The following WDR33 variants were observed in gnomAD, a reference collection of about 807,000 sequenced individuals.
WDR33 encodes the protein pre-mRNA 3' end processing protein WDR33.
A neutral mutation model predicts 164.9 loss-of-function variants in WDR33; 47 were observed. The ratio of observed to expected loss-of-function variants is 0.29; its 90% CI spans 0.23 to 0.36. The LOEUF is 0.36. Among genes scored for constraint, WDR33 ranks in the 10% least tolerant of loss-of-function variants. The pLI is 1.00. For missense variants in WDR33, 1,137 were observed against 1,754.1 expected (o/e 0.65, Z 6.28); for synonymous variants, 505 against 589.0 (o/e 0.86, Z 2.06).
rs1488883050 is a variant in WDR33, at chr2:127,720,572, G to C, written c.1672-219C>G. On this transcript the variant is annotated intron_variant, in intron 15 of 21. Transcript: ENST00000322313. This position sits in a 1 kb window ranked among gnomAD's most constrained non-coding sequence, Gnocchi z 5.9. ...TTTAAGTCCTGGGACACAGTAGTAA[G>C]GATTTTTTTTTCCTTATTTTTTTTT... is the stretch of plus-strand genomic sequence containing the variant. 6.6e-6 allele frequency among the ~76,000 whole-genome samples: 1 copy of C among 151,946 alleles called. No individual in the cohort carries two copies. The highest frequency in any genetic ancestry group is 1.5e-5 in the Non-Finnish European group (1 of 67,992).
intron 7 of WDR33, among the ~76,000 whole-genome samples, chr2:127,733,069 C>T (rs2105393352): frequency 6.6e-6 from 1 of 152,082 alleles, no homozygotes; most frequent in East Asian, 1.9e-4. Flanking sequence ...GTTTTTGTAG[C>T]CTGGTGACTA....
In WDR33 at chr2:127,714,754, A is replaced by C. The variant is rs1686258876; in HGVS notation, c.2870-733T>G. Among the ~76,000 whole-genome samples, 1 of 152,258 alleles carries C rather than the reference A, an allele frequency of 6.6e-6. No homozygotes were observed. Among genetic ancestry groups the C allele is most frequent in the Non-Finnish European group, 1.5e-5 (1 of 68,052 alleles). ...TACTGAATAAAAATGGAAAGATGCCAGTTAAATGTGTGATGGTTAACTTAG... is the reference window on the plus strand; with the variant it reads ...TACTGAATAAAAATGGAAAGATGCCCGTTAAATGTGTGATGGTTAACTTAG... On this transcript the variant is annotated intron_variant, in intron 17 of 21. Coordinates refer to ENST00000322313, the MANE Select transcript of WDR33 (RefSeq NM_018383.5). This position sits in a 1 kb window ranked among gnomAD's most constrained non-coding sequence, Gnocchi z 4.3.
chr2:127,740,649 G>A (rs562922623), intron 7 of WDR33, among the ~76,000 whole-genome samples: 70 of 152,248 alleles, frequency 4.6e-4, no homozygotes, highest in African/African-American at 1.5e-3. Flanking sequence ...TCAAGTATAC[G>A]ATTAAAATTT....
chr2:127,783,212 T>C (rs1688434831), intron 1 of WDR33, among the ~76,000 whole-genome samples: 1 of 152,210 alleles, frequency 6.6e-6, no homozygotes, highest in South Asian at 2.1e-4. Flanking sequence ...TTTAGACATG[T>C]TTAATCCATG....
rs1355011363 is a variant in WDR33 at position 127,702,094 on chromosome 2, CCTGGGGCGGCGGCACCGCGCTGCG to C, written c.*4205_*4228del. ...CTGGCCGCGCTGGTTGGGCTGCTGC[CCTGGGGCGGCGGCACCGCGCTGCG>C]CCTCGCACTGGGTCGCCTGGGCCGC... On this transcript the variant is annotated 3_prime_UTR_variant, in exon 22 of 22. Coordinates refer to ENST00000322313, the MANE Select transcript of WDR33 (RefSeq NM_018383.5). 3.3e-6 allele frequency: 4 copies of C among 1,216,710 alleles called. No individual in the cohort carries two copies. The East Asian group carries it at 1.0e-4, about 31-fold the overall frequency. The allele number at this position is 1,216,710 out of a possible 1,614,324, so 75.4% of individuals were successfully genotyped here.
At chr2:127,791,027 GTC>G (rs981079623) in intron 1 of WDR33, among the ~76,000 whole-genome samples, 9 of 151,930 alleles carry the variant, frequency 5.9e-5, no homozygotes, top group Middle Eastern at 3.4e-3. Context: ...TCTCTCAACA[GTC>G]TGTCATTCTT....
In WDR33 at chr2:127,735,894, C is replaced by T; in HGVS notation, c.725-9117G>A. ...ATTACTATTAGTCATCTTTGTTGTC[C>T]AGTCTAGAAAGTTACATCAGTGAAA... On this transcript the variant is annotated intron_variant, in intron 7 of 21. Transcript: ENST00000322313. This position sits in a 1 kb window ranked among gnomAD's most constrained non-coding sequence, Gnocchi z 4.3. 1.0e-6 allele frequency: 1 copy of T among 985,396 alleles called. No individual in the cohort carries two copies. The highest frequency in any genetic ancestry group is 1.2e-6 in the Non-Finnish European group (1 of 829,922). 61.0% of individuals were successfully genotyped at this position (985,396 alleles called of 1,614,324 possible).
chr2:127,753,192 G>A (rs1226198949), intron 7 of WDR33, among the ~76,000 whole-genome samples: 1 of 152,192 alleles, frequency 6.6e-6, no homozygotes, highest in Non-Finnish European at 1.5e-5. Flanking sequence ...CTCCCAAAGT[G>A]CTGGGATTAC....
Position 127,709,716 on chromosome 2 carries a change from C to A in WDR33, c.3449G>T (p.Gly1150Val), listed in dbSNP as rs1686107849. ...ACCTCGTGGGGTACCCCGACCTCGA[C>A]CTCTGAGATCTCGTCCTCGGGCCGC... ...EEAARGRDLR[G>V]RGRGTPRGGR... Residue 1150 changes from glycine (G) to valine (V), a missense_variant, in exon 19 of 22, where the codon GGT (glycine) becomes GTT (valine). Transcript: ENST00000322313. This position sits in a 1 kb window ranked among gnomAD's most constrained non-coding sequence, Gnocchi z 5.0. 6.2e-7 allele frequency: 1 copy of A among 1,614,264 alleles called. No individual in the cohort carries two copies. The highest frequency in any genetic ancestry group is 1.1e-5 in the South Asian group (1 of 91,090).
chr2:127,764,976 G>A lies in WDR33; in HGVS notation c.478C>T (p.His160Tyr). 1 of 1,613,480 alleles carries A rather than the reference G, an allele frequency of 6.2e-7. No homozygotes were observed. The highest frequency in any genetic ancestry group is 8.5e-7 in the Non-Finnish European group (1 of 1,179,746). ...TFNFETILQA[H>Y]DSPVRAMTWS... ...GTCATGGCCCTCACTGGGCTGTCGTGAGCCTGTGAAAGCAGAAAACATTAA... is the reference window on the plus strand; with the variant it reads ...GTCATGGCCCTCACTGGGCTGTCGTAAGCCTGTGAAAGCAGAAAACATTAA... Residue 160 changes from histidine to tyrosine, a missense_variant, in exon 6 of 22, where the codon CAC becomes TAC. By Grantham distance (83) the His-to-Tyr change is moderately conservative (BLOSUM62 2). Transcript: ENST00000322313. The surrounding 1 kb of genome is among the most constrained non-coding windows in gnomAD (Gnocchi z 6.2).
At position 127,735,955 on chromosome 2, in the gene WDR33, G is replaced by A. The variant is rs1686828191; in HGVS notation, c.725-9178C>T. The A allele has an allele frequency of 1.0e-6, 1 of 985,438 alleles. No homozygotes were observed. Among genetic ancestry groups the A allele is most frequent in the Non-Finnish European group, 1.2e-6 (1 of 829,934 alleles). The allele number at this position is 985,438 out of a possible 1,614,324, so 61.0% of individuals were successfully genotyped here. On this transcript the variant is annotated intron_variant, in intron 7 of 21. Transcript: ENST00000322313. This position sits in a 1 kb window ranked among gnomAD's most constrained non-coding sequence, Gnocchi z 4.3. ...TTAAATGGAAAGTTAATTCTGGAAA[G>A]GGGGTATGCCTAGGCAGGGCAGTGT... is the stretch of plus-strand genomic sequence containing the variant.
At chr2:127,727,944 A>C (rs1240790040) in intron 7 of WDR33, among the ~76,000 whole-genome samples, 1 of 152,220 alleles carries the variant, frequency 6.6e-6, no homozygotes, top group Non-Finnish European at 1.5e-5. Context: ...ACCCGTTCAT[A>C]AGGGGAGACA....
At chr2:127,793,897 G>A (rs1444869906) in intron 1 of WDR33, among the ~76,000 whole-genome samples, 1 of 152,170 alleles carries the variant, frequency 6.6e-6, no homozygotes, top group East Asian at 1.9e-4. Context: ...AACTTTGGGA[G>A]GCCAAGGCAG....
At chr2:127,767,418 T>C (rs1056907259) in intron 4 of WDR33, among the ~76,000 whole-genome samples, 2 of 152,160 alleles carry the variant, frequency 1.3e-5, no homozygotes, top group African/African-American at 4.8e-5. Context: ...GTTTTAAAAT[T>C]AGTTTCAGTT....
At position 127,768,176 on chromosome 2, in the gene WDR33, A is replaced by G; in HGVS notation, c.378+13T>C. On this transcript the variant is annotated intron_variant, in intron 4 of 21. Transcript: ENST00000322313. ...GATTAATTTTCCCCCAAAATATCCA[A>G]CAGATTACTTACCCTAACAACAAAT... The G allele has an allele frequency of 6.7e-7, 1 of 1,485,396 alleles. No individual in the cohort carries two copies. The highest frequency in any genetic ancestry group is 1.4e-5 in the South Asian group (1 of 71,592). 92.0% of individuals were successfully genotyped at this position (1,485,396 alleles called of 1,614,324 possible). A position where few individuals can be genotyped will look rare whatever the true frequency, so the allele number is the denominator to read the frequency against.
In WDR33 at chr2:127,709,420, G is replaced by T; in HGVS notation, c.3565+70C>A. The T allele has an allele frequency of 1.3e-6, 2 of 1,494,558 alleles. No homozygotes were observed. Among genetic ancestry groups the T allele is most frequent in the East Asian group, 2.3e-5 (1 of 43,854 alleles). 92.6% of individuals were successfully genotyped at this position (1,494,558 alleles called of 1,614,324 possible). On this transcript the variant is annotated intron_variant, in intron 20 of 21. Coordinates refer to ENST00000322313, the MANE Select transcript of WDR33 (RefSeq NM_018383.5). This position sits in a 1 kb window ranked among gnomAD's most constrained non-coding sequence, Gnocchi z 5.0. Reference sequence around the variant, plus strand: ...GAAAGAGGAGACCCGGTGCACCCCAGAGAGGGCCCTCAGAACTCACTTTGT... The same window carrying T: ...GAAAGAGGAGACCCGGTGCACCCCATAGAGGGCCCTCAGAACTCACTTTGT...
chr2:127,751,788 C>G (rs1290288410), intron 7 of WDR33, among the ~76,000 whole-genome samples: 1 of 152,142 alleles, frequency 6.6e-6, no homozygotes, highest in African/African-American at 2.4e-5. Flanking sequence ...GTTCAGAAAT[C>G]ACTAAACTTA....
chr2:127,753,141 G>A (rs1687421633), intron 7 of WDR33, among the ~76,000 whole-genome samples: 1 of 151,832 alleles, frequency 6.6e-6, no homozygotes, highest in Non-Finnish European at 1.5e-5. Flanking sequence ...TGGCCAGGCT[G>A]GTCTCAAATG....
rs72846244 is a variant in WDR33 at position 127,713,204 on chromosome 2, G to A, written c.3308+379C>T. Among the ~76,000 whole-genome samples, 13,725 of 152,174 alleles carry A rather than the reference G, an allele frequency of 0.09. 665 individuals are homozygous for A. Among genetic ancestry groups the A allele is most frequent in the Middle Eastern group, 0.16 (47 of 294 alleles). On this transcript the variant is annotated intron_variant, in intron 18 of 21. Transcript: ENST00000322313. This position sits in a 1 kb window ranked among gnomAD's most constrained non-coding sequence, Gnocchi z 6.2. ...ATTATTGGGCAATTACACAAAAATT[G>A]TATCTATTTCACAACCCCTTTATTT...
Sources: gnomAD v4.1 joint callset for allele counts (sites outside exome capture counted in the v4.1 genomes callset) on GRCh38, gnomAD v4.1.1 for gene constraint, Gnocchi (gnomAD v3.1) non-coding constraint, MANE v1.5 for transcripts, NCBI Gene and HGNC (gene_info 2026-07-23, HGNC 2026-07-21) for gene names.